The following NSUN3 variants were observed in gnomAD, a reference collection of about 807,000 sequenced individuals.
The protein encoded by NSUN3 is NOP2/Sun RNA methyltransferase 3, also known as tRNA (cytosine(34)-C(5))-methyltransferase, mitochondrial.
NSUN3 carries 24 observed loss-of-function variants against 36.8 expected under a neutral mutation model. The observed-to-expected ratio is 0.65, with a 90% CI of 0.47 to 0.92. The LOEUF (loss-of-function observed/expected upper bound fraction) is 0.92. Among genes scored for constraint, NSUN3 ranks in the 40% least tolerant of loss-of-function variants. NSUN3 has a pLI of 0.00. For synonymous variants in NSUN3, 146 were observed against 145.2 expected, an observed-to-expected ratio of 1.01 and a Z score of -0.04; for missense variants, 381 against 392.8, an observed-to-expected ratio of 0.97 and a Z score of 0.25.
At chr3:94,076,588 T>C in intron 2 of NSUN3, 2 of 871,648 alleles carry the variant, frequency 2.3e-6, no homozygotes, top group South Asian at 1.3e-5. Context: ...TGTGATCATC[T>C]GAAGCACTAA....
chr3:94,072,018 AAT>A (rs2077226471), intron 2 of NSUN3, among the ~76,000 whole-genome samples: 1 of 152,144 alleles, frequency 6.6e-6, no homozygotes, highest in Non-Finnish European at 1.5e-5. Flanking sequence ...GAATCATATT[AAT>A]ACACAGCTTT....
chr3:94,086,808 A>G (rs140090597), intron 3 of NSUN3, among the ~76,000 whole-genome samples: 2,405 of 152,352 alleles, frequency 0.016, 58 homozygotes, highest in African/African-American at 0.052. Flanking sequence ...TGTATGTTAT[A>G]AGGAGCACTT....
At chr3:94,076,246 AGGAAT>A (rs1444682715) in intron 2 of NSUN3, 31 of 914,008 alleles carry the variant, frequency 3.4e-5, no homozygotes, top group Non-Finnish European at 5.2e-5. Flanking sequence ...TGTGACTCAG[AGGAAT>A]GCAACATAAG....
chr3:94,084,504 G>A, intron 3 of NSUN3, 54 bp downstream of exon 3: 3 of 1,343,300 alleles, frequency 2.2e-6, no homozygotes, highest in Non-Finnish European at 2.1e-6. Context: ...GTATGTTATA[G>A]AGAATTCTGA....
At position 94,072,326 on chromosome 3, in the gene NSUN3, A is replaced by C. The variant is rs1296594524; in HGVS notation, c.122+7780A>C. Among the ~76,000 whole-genome samples, 5 of 152,186 alleles carry C rather than the reference A, an allele frequency of 3.3e-5. No individual in the cohort carries two copies. In the East Asian group the frequency reaches 9.6e-4, roughly 29 times the overall value. On this transcript the variant is annotated intron_variant, in intron 2 of 5. Transcript: ENST00000314622. ...AATCAGATACTTCTGCGTACTAGCA[A>C]TGTGACCTCAGGTAAGTTGCCAAAA...
Position 94,064,302 on chromosome 3 carries a change from G to C in NSUN3, c.13-135G>C, listed in dbSNP as rs913522485. Reference sequence around the variant, plus strand: ...TAATGTACAGTTTTGGTACATGTAAGGTATTGCTTCCATTTCAAGAACTAG... The same window carrying C: ...TAATGTACAGTTTTGGTACATGTAACGTATTGCTTCCATTTCAAGAACTAG... On this transcript the variant is annotated intron_variant, in intron 1 of 5. Transcript: ENST00000314622. 4.8e-6 allele frequency: 3 copies of C among 619,896 alleles called. No individual in the cohort carries two copies. The African/African-American group carries it at 5.5e-5, about 11-fold the overall frequency. 38.4% of individuals were successfully genotyped at this position (619,896 alleles called of 1,614,324 possible).
intron 3 of NSUN3, among the ~76,000 whole-genome samples, chr3:94,090,213 T>G (rs1258906384): frequency 2.0e-5 from 3 of 152,130 alleles, no homozygotes; most frequent in Non-Finnish European, 4.4e-5. Flanking sequence ...AAAAAAAAAT[T>G]AAGATTTGGT....
chr3:94,076,282 A>G (rs2077245408), intron 2 of NSUN3: 1 of 890,084 alleles, frequency 1.1e-6, no homozygotes, highest in East Asian at 2.4e-5. Context: ...CTCAGATCCC[A>G]CAAGGCAACA....
chr3:94,112,190 G>A (rs1376572023), intron 5 of NSUN3, among the ~76,000 whole-genome samples: 1 of 152,152 alleles, frequency 6.6e-6, no homozygotes, highest in African/African-American at 2.4e-5. Context: ...TAACAATTCA[G>A]ATGTTACTGT....
chr3:94,105,030 A>T (rs1230553363), intron 5 of NSUN3, among the ~76,000 whole-genome samples: 4 of 152,234 alleles, frequency 2.6e-5, no homozygotes, highest in African/African-American at 9.6e-5. Context: ...TATAATAAGT[A>T]TATTTAAGTA....
intron 2 of NSUN3, among the ~76,000 whole-genome samples, chr3:94,074,050 A>G (rs2077236835): frequency 6.6e-6 from 1 of 152,222 alleles, no homozygotes; most frequent in Non-Finnish European, 1.5e-5. Context: ...CATTTATTAA[A>G]TAGGGAATCC....
At chr3:94,070,494 T>A (rs2077221279) in intron 2 of NSUN3, among the ~76,000 whole-genome samples, 3 of 152,116 alleles carry the variant, frequency 2.0e-5, no homozygotes, top group Non-Finnish European at 2.9e-5. Context: ...CTTAGCATGT[T>A]GGAGGGAGGA....
rs1023707927 is a variant in NSUN3, at chr3:94,126,571, C to T, written c.*81C>T. 5 of 1,257,988 alleles carry T rather than the reference C, an allele frequency of 4.0e-6. No homozygotes were observed. Among genetic ancestry groups the T allele is most frequent in the Non-Finnish European group, 4.4e-6 (4 of 910,184 alleles). 77.9% of individuals were successfully genotyped at this position (1,257,988 alleles called of 1,614,324 possible). On this transcript the variant is annotated 3_prime_UTR_variant, in exon 6 of 6. Coordinates refer to ENST00000314622, the MANE Select transcript of NSUN3 (RefSeq NM_022072.5). The stretch of plus-strand genomic sequence containing the variant: ...ACATGTTAATATTTAAATAATTATG[C>T]AGTAACTTTCTCTGGGTCTGTTTGG...
rs541792168 is a variant in NSUN3, at chr3:94,118,721, T to C, written c.744-7490T>C. Among the ~76,000 whole-genome samples the C allele has an allele frequency of 2.6e-5, 4 of 152,256 alleles. 1 individual carries two copies. The highest frequency in any genetic ancestry group is 4.1e-4 in the South Asian group (2 of 4,830). Reference sequence around the variant, plus strand: ...AAAAAAAAAATAATAAATAACTAAATGGCACAGACATTTACACAAGCATAG... The same window carrying C: ...AAAAAAAAAATAATAAATAACTAAACGGCACAGACATTTACACAAGCATAG... On this transcript the variant is annotated intron_variant, in intron 5 of 5. Coordinates refer to ENST00000314622, the MANE Select transcript of NSUN3 (RefSeq NM_022072.5).
chr3:94,064,183 G>A (rs1300426720), intron 1 of NSUN3: 20 of 449,418 alleles, frequency 4.5e-5, no homozygotes, highest in Non-Finnish European at 3.6e-5. Flanking sequence ...TGTTCCTTTT[G>A]ACAGTTTCTT....
In NSUN3 at chr3:94,063,071, A is replaced by T. The variant is rs1576077150; in HGVS notation, c.-56A>T. On this transcript the variant is annotated 5_prime_UTR_variant, in exon 1 of 6. Coordinates refer to ENST00000314622, the MANE Select transcript of NSUN3 (RefSeq NM_022072.5). Reference sequence around the variant, plus strand: ...CAGACTGTTTTTTTCAGTTCCCTGGAGGCTTTTTGATACTGATTCGCGTAC... The same window carrying T: ...CAGACTGTTTTTTTCAGTTCCCTGGTGGCTTTTTGATACTGATTCGCGTAC... The T allele has an allele frequency of 1.9e-6, 3 of 1,609,068 alleles. No homozygotes were observed. The East Asian group carries it at 6.7e-5, about 36-fold the overall frequency.
intron 5 of NSUN3, among the ~76,000 whole-genome samples, chr3:94,124,656 T>A (rs1330302631): frequency 6.6e-6 from 1 of 152,158 alleles, no homozygotes; most frequent in East Asian, 1.9e-4. Flanking sequence ...ACTTAATTAC[T>A]TCTTTATGGA....
intron 5 of NSUN3, among the ~76,000 whole-genome samples, chr3:94,116,880 T>C (rs1425378763): frequency 1.3e-5 from 2 of 152,094 alleles, no homozygotes; most frequent in African/African-American, 2.4e-5. Flanking sequence ...TAAACATTTT[T>C]TCAGCAAGAC....
intron 3 of NSUN3, among the ~76,000 whole-genome samples, chr3:94,088,634 A>G (rs555398603): frequency 1.3e-5 from 2 of 148,558 alleles, no homozygotes; most frequent in African/African-American, 2.5e-5. Flanking sequence ...CTTCTGTAGC[A>G]TCCTCCGTTA....
Sources: allele counts gnomAD v4.1 joint callset (sites outside exome capture counted in the v4.1 genomes callset), GRCh38; gene constraint gnomAD v4.1.1; transcripts MANE v1.5; gene names NCBI Gene and HGNC (gene_info 2026-07-23, HGNC 2026-07-21).